The following CNTN4 variants were observed in gnomAD, a reference collection of about 807,000 sequenced individuals.
CNTN4 encodes the protein contactin 4.
In CNTN4, 77 loss-of-function variants were observed where a neutral mutation model predicts 122.5. The observed-to-expected ratio is 0.63, with a 90% CI of 0.52 to 0.76. The LOEUF (loss-of-function observed/expected upper bound fraction) is 0.76, where lower values mean the gene tolerates loss of function less well. CNTN4 is among the 30% of genes least tolerant of loss of function. The probability of loss-of-function intolerance (pLI) is 0.00; values close to 1 mark genes in which losing one functional copy is unlikely to be tolerated. For synonymous variants in CNTN4, 512 were observed against 447.0 expected, an observed-to-expected ratio of 1.15 and a Z score of -1.83; for missense variants, 1,256 against 1,259.1, an observed-to-expected ratio of 1.00 and a Z score of 0.04.
chr3:2,542,374 A>G (rs1321305403), intron 3 of CNTN4, among the ~76,000 whole-genome samples: 4 of 152,176 alleles, frequency 2.6e-5, no homozygotes, highest in African/African-American at 9.6e-5. Flanking sequence ...TTGTGATTTA[A>G]GGCCAAAGGA....
intron 2 of CNTN4, among the ~76,000 whole-genome samples, chr3:2,256,193 G>A (rs1483024415): frequency 1.3e-5 from 2 of 152,264 alleles, no homozygotes; most frequent in East Asian, 3.9e-4. Context: ...AAATCTGGAA[G>A]AAATGTATAA....
intron 4 of CNTN4, among the ~76,000 whole-genome samples, chr3:2,644,851 G>C (rs934949652): frequency 1.2e-4 from 18 of 148,592 alleles, no homozygotes; most frequent in African/African-American, 4.2e-4. Flanking sequence ...GTCAAGAAAA[G>C]CAACTAACCC....
At chr3:2,130,153 G>C (rs1014494937) in intron 2 of CNTN4, among the ~76,000 whole-genome samples, 3 of 151,928 alleles carry the variant, frequency 2.0e-5, no homozygotes, top group South Asian at 2.1e-4. Flanking sequence ...TATTGTATGG[G>C]GGTTTGCACA....
intron 12 of CNTN4, among the ~76,000 whole-genome samples, chr3:2,924,653 T>A (rs2151364168): frequency 6.6e-6 from 1 of 152,370 alleles, no homozygotes; most frequent in South Asian, 2.1e-4. Context: ...ACTATGTTAC[T>A]GGTGTTAGCA....
intron 4 of CNTN4, among the ~76,000 whole-genome samples, chr3:2,614,518 G>C (rs1481156341): frequency 6.6e-6 from 1 of 152,182 alleles, no homozygotes; most frequent in African/African-American, 2.4e-5. Flanking sequence ...CGGTGGGGAA[G>C]ACCAAACTGG....
chr3:2,522,234 TG>T (rs1210705118), intron 3 of CNTN4, among the ~76,000 whole-genome samples: 5 of 151,978 alleles, frequency 3.3e-5, no homozygotes, highest in African/African-American at 1.2e-4. Context: ...CAGTACAATA[TG>T]CTTTACTTCC....
intron 4 of CNTN4, among the ~76,000 whole-genome samples, chr3:2,731,134 G>T (rs1387382681): frequency 6.6e-6 from 1 of 151,622 alleles, no homozygotes; most frequent in Non-Finnish European, 1.5e-5. Flanking sequence ...ATGATTCTGT[G>T]CATCTCTTTC....
chr3:2,730,938 T>C (rs2088630795), intron 4 of CNTN4, among the ~76,000 whole-genome samples: 1 of 151,982 alleles, frequency 6.6e-6, no homozygotes, highest in Non-Finnish European at 1.5e-5. Flanking sequence ...ATAGAGATCA[T>C]TGATGTTCCA....
At chr3:2,290,898 G>GT (rs2042109247) in intron 2 of CNTN4, among the ~76,000 whole-genome samples, 1 of 150,576 alleles carries the variant, frequency 6.6e-6, no homozygotes. Flanking sequence ...AAATGACCAC[G>GT]TTTTTCAAAG....
intron 10 of CNTN4, among the ~76,000 whole-genome samples, 176 bp from the exon 11 acceptor site, chr3:2,900,509 G>T (rs769854814): frequency 1.3e-5 from 2 of 152,182 alleles, no homozygotes; most frequent in Non-Finnish European, 2.9e-5. Context: ...CACAAAAATG[G>T]TATTCAGAGT....
chr3:2,857,832 G>T (rs758470187), intron 7 of CNTN4, among the ~76,000 whole-genome samples: 1 of 152,002 alleles, frequency 6.6e-6, no homozygotes, highest in Non-Finnish European at 1.5e-5. Flanking sequence ...GTCAGGCAAG[G>T]GTCTAATGTC....
intron 2 of CNTN4, among the ~76,000 whole-genome samples, chr3:2,188,867 A>G (rs779101117): frequency 2.0e-5 from 3 of 152,164 alleles, no homozygotes; most frequent in Admixed American, 6.5e-5. Flanking sequence ...ACAGACTAAG[A>G]CTATCAGCTA....
At chr3:2,985,626 C>G (rs764613648) in intron 13 of CNTN4, 1 of 152,394 alleles carries the variant, frequency 6.6e-6, no homozygotes, top group Non-Finnish European at 1.5e-5. Flanking sequence ...TCACCCCAGC[C>G]CAAAGGCCAA....
chr3:2,795,508 A>G (rs2092142948), intron 6 of CNTN4, among the ~76,000 whole-genome samples: 2 of 149,042 alleles, frequency 1.3e-5, no homozygotes, highest in Admixed American at 6.9e-5. Context: ...TATTAGAGTA[A>G]CAAATGGGTA....
At chr3:2,637,577 C>T (rs113884511) in intron 4 of CNTN4, among the ~76,000 whole-genome samples, 3 of 152,232 alleles carry the variant, frequency 2.0e-5, no homozygotes, top group African/African-American at 7.2e-5. Context: ...TGATTGGTCC[C>T]TGCCTCAACA....
At chr3:2,648,550 G>A (rs1036208516) in intron 4 of CNTN4, among the ~76,000 whole-genome samples, 4 of 152,062 alleles carry the variant, frequency 2.6e-5, no homozygotes, top group Admixed American at 6.6e-5. Flanking sequence ...CATATAAGAC[G>A]AAGAACTTAA....
chr3:3,011,555 T>C (rs1039899440), intron 14 of CNTN4, among the ~76,000 whole-genome samples: 2 of 152,206 alleles, frequency 1.3e-5, no homozygotes, highest in Non-Finnish European at 2.9e-5. Context: ...GTGTCACTTA[T>C]CTGGATGTTT....
intron 12 of CNTN4, among the ~76,000 whole-genome samples, chr3:2,917,130 T>A: frequency 7.0e-6 from 1 of 142,666 alleles, no homozygotes; most frequent in Admixed American, 7.0e-5. Context: ...CGAAACCCCG[T>A]CTCCACCAAA....
chr3:2,417,332 T>C (rs560482966), intron 3 of CNTN4, among the ~76,000 whole-genome samples: 1 of 152,336 alleles, frequency 6.6e-6, no homozygotes, highest in African/African-American at 2.4e-5. Context: ...TTCTAATGTA[T>C]TGAGAACAAG....
Sources: allele counts gnomAD v4.1 joint callset (sites outside exome capture counted in the v4.1 genomes callset), GRCh38; gene constraint gnomAD v4.1.1; transcripts MANE v1.5; gene names NCBI Gene and HGNC (gene_info 2026-07-23, HGNC 2026-07-21).